RNF157: variants seen among roughly 807,000 people sequenced by gnomAD.
RNF157 encodes the protein ring finger protein 157.
RNF157 carries 55 observed loss-of-function variants against 88.3 expected under a neutral mutation model. That is an observed-to-expected ratio of 0.62 (90% confidence interval 0.50 to 0.78). The LOEUF is 0.78. Ranked by LOEUF, RNF157 falls within the 30% of genes least tolerant of loss-of-function variation. The probability of loss-of-function intolerance (pLI) is 0.00; values close to 1 mark genes in which losing one functional copy is unlikely to be tolerated. For missense variants in RNF157, 788 were observed against 860.8 expected, an observed-to-expected ratio of 0.92 and a Z score of 1.06; for synonymous variants, 334 against 341.2, an observed-to-expected ratio of 0.98 and a Z score of 0.23.
intron 2 of RNF157, among the ~76,000 whole-genome samples, chr17:76,174,354 T>C (rs2069070191): frequency 6.6e-6 from 1 of 152,166 alleles, no homozygotes; most frequent in Non-Finnish European, 1.5e-5. Context: ...AAGAGTTATT[T>C]TGGGGTCACC....
chr17:76,180,918 C>G (rs1016210325), intron 2 of RNF157, among the ~76,000 whole-genome samples: 1 of 152,180 alleles, frequency 6.6e-6, no homozygotes, highest in Non-Finnish European at 1.5e-5. Flanking sequence ...CCCCTCTCAC[C>G]AGCCTGTAAG....
intron 2 of RNF157, chr17:76,202,795 ATTGGTCCATGGTTCT>A (rs2144987651): frequency 1.3e-5 from 2 of 153,520 alleles, no homozygotes; most frequent in East Asian, 3.9e-4. Context: ...AAGGTTATAA[ATTGGTCCATGGTTCT>A]AGGGTAGAAA....
chr17:76,210,391 C>A (rs556650944), intron 2 of RNF157, among the ~76,000 whole-genome samples: 1 of 151,348 alleles, frequency 6.6e-6, no homozygotes, highest in Non-Finnish European at 1.5e-5. Context: ...CAGATCGAGA[C>A]CATCCTGGCT....
chr17:76,210,040 G>A (rs1206835640), intron 2 of RNF157, among the ~76,000 whole-genome samples: 1 of 152,060 alleles, frequency 6.6e-6, no homozygotes, highest in African/African-American at 2.4e-5. Context: ...TTACAGACAT[G>A]AGTCACCGTG....
intron 2 of RNF157, among the ~76,000 whole-genome samples, chr17:76,200,759 T>C (rs1202005982): frequency 6.6e-6 from 1 of 152,214 alleles, no homozygotes; most frequent in Non-Finnish European, 1.5e-5. Context: ...TTTAAAAGTA[T>C]GAATATTCAT....
intron 2 of RNF157, among the ~76,000 whole-genome samples, chr17:76,210,320 G>C (rs193222458): frequency 1.1e-3 from 165 of 152,070 alleles, no homozygotes; most frequent in Admixed American, 3.5e-3. Flanking sequence ...CCCGCCGGGC[G>C]CAGTGGCTCA....
At chr17:76,215,936 C>A (rs2145036264) in intron 1 of RNF157, among the ~76,000 whole-genome samples, 1 of 152,210 alleles carries the variant, frequency 6.6e-6, no homozygotes, top group East Asian at 1.9e-4. Flanking sequence ...ACTTGCTAGC[C>A]CTATTTTCCA....
intron 18 of RNF157, chr17:76,145,699 C>T: frequency 4.8e-6 from 1 of 206,360 alleles, no homozygotes; most frequent in Non-Finnish European, 9.7e-6. Context: ...TTACAATAGA[C>T]AGGAAAAGGA....
At chr17:76,145,652 G>C (rs984133720) in intron 18 of RNF157, 2 of 341,696 alleles carry the variant, frequency 5.9e-6, no homozygotes, top group Non-Finnish European at 1.1e-5. Flanking sequence ...ATCCACTTTT[G>C]TATTTTAATT....
rs1019790243 is a variant in RNF157, at chr17:76,210,417, C to A, written c.207+1947G>T. 4.6e-5 allele frequency among the ~76,000 whole-genome samples: 7 copies of A among 151,164 alleles called. No individual in the cohort carries two copies. The East Asian group carries it at 1.4e-3, about 30-fold the overall frequency. On this transcript the variant is annotated intron_variant, in intron 2 of 18. Coordinates refer to ENST00000269391, the MANE Select transcript of RNF157 (RefSeq NM_052916.3). The stretch of plus-strand genomic sequence containing the variant: ...CATCCTGGCTAACACAGTGAAACCC[C>A]GTCTCTACTAAAAATACAAAAAATT...
chr17:76,189,769 G>C (rs1032557527), intron 2 of RNF157, among the ~76,000 whole-genome samples: 1 of 152,188 alleles, frequency 6.6e-6, no homozygotes, highest in African/African-American at 2.4e-5. Flanking sequence ...CCGAAGCTGG[G>C]ACTCAGACTT....
chr17:76,225,392 A>G (rs1472022328), intron 1 of RNF157, among the ~76,000 whole-genome samples: 1 of 152,172 alleles, frequency 6.6e-6, no homozygotes, highest in Non-Finnish European at 1.5e-5. Context: ...TAAGTTAATA[A>G]TTTAAAATTT....
Position 76,205,723 on chromosome 17 carries a change from C to CTAAATAAATAAATAAA in RNF157, c.207+6625_207+6640dup, listed in dbSNP as rs35839727. On this transcript the variant is annotated intron_variant, in intron 2 of 18. Coordinates refer to ENST00000269391, the MANE Select transcript of RNF157 (RefSeq NM_052916.3). ...CTGGCGACGGAGCAAGACTCCATCT[C>CTAAATAAATAAATAAA]TAAATAAATAAATAAATAAATAAAT... 9.5e-3 allele frequency among the ~76,000 whole-genome samples: 1,397 copies of CTAAATAAATAAATAAA among 146,790 alleles called. 24 individuals are homozygous for CTAAATAAATAAATAAA. The highest frequency in any genetic ancestry group is 0.033 in the African/African-American group (1,306 of 39,104).
At chr17:76,234,984 T>C (rs2070256851) in intron 1 of RNF157, among the ~76,000 whole-genome samples, 1 of 152,236 alleles carries the variant, frequency 6.6e-6, no homozygotes. Context: ...TAAGGATTTC[T>C]GGTTCATAAC....
intron 2 of RNF157, among the ~76,000 whole-genome samples, chr17:76,210,669 G>A (rs1185601202): frequency 6.7e-6 from 1 of 149,856 alleles, no homozygotes; most frequent in Non-Finnish European, 1.5e-5. Context: ...TAAAGGTCAA[G>A]ATGGAAGACC....
rs1452789013 is a variant in RNF157, at chr17:76,158,592, A to G, written c.1305-91T>C. 5 of 884,792 alleles carry G rather than the reference A, an allele frequency of 5.7e-6. No individual in the cohort carries two copies. The African/African-American group carries it at 8.3e-5, about 15-fold the overall frequency. The allele number at this position is 884,792 out of a possible 1,614,324, so 54.8% of individuals were successfully genotyped here. A position where few individuals can be genotyped will look rare whatever the true frequency, so the allele number is the denominator to read the frequency against. On this transcript the variant is annotated intron_variant, in intron 12 of 18. Coordinates refer to ENST00000269391, the MANE Select transcript of RNF157 (RefSeq NM_052916.3). ...GGGGAGCTGAGGGGAAAACCCAAATATTTTTTGCTTGTTTATTTTTTGAGA... is the reference window on the plus strand; with the variant it reads ...GGGGAGCTGAGGGGAAAACCCAAATGTTTTTTGCTTGTTTATTTTTTGAGA...
At chr17:76,155,452 C>G in intron 15 of RNF157, 110 bp downstream of exon 15, 6 of 1,473,656 alleles carry the variant, frequency 4.1e-6, no homozygotes, top group Middle Eastern at 1.7e-4. Flanking sequence ...TGCAGCACTC[C>G]TGGCATTTTG....
intron 1 of RNF157, among the ~76,000 whole-genome samples, chr17:76,218,838 G>A (rs1210741105): frequency 4.0e-5 from 6 of 151,816 alleles, no homozygotes; most frequent in Non-Finnish European, 8.8e-5. Flanking sequence ...GGAGGCTGAG[G>A]CAGAAGAATC....
chr17:76,192,835 TC>T (rs988830435), intron 2 of RNF157, among the ~76,000 whole-genome samples: 19 of 149,426 alleles, frequency 1.3e-4, no homozygotes, highest in African/African-American at 4.8e-4. Context: ...TCTCCCACTT[TC>T]TTTCCTTTTT....
Sources: gnomAD v4.1 joint callset for allele counts (sites outside exome capture counted in the v4.1 genomes callset) on GRCh38, gnomAD v4.1.1 for gene constraint, MANE v1.5 for transcripts, NCBI Gene and HGNC (gene_info 2026-07-23, HGNC 2026-07-21) for gene names.